ALG12: variants seen among roughly 807,000 people sequenced by gnomAD.
ALG12 encodes dol-P-Man:Man(7)GlcNAc(2)-PP-Dol alpha-1,6-mannosyltransferase.
Under a neutral mutation model 46.0 loss-of-function variants are expected in ALG12, and 36 were observed. That is an observed-to-expected ratio of 0.78 (90% confidence interval 0.60 to 1.03). The LOEUF (loss-of-function observed/expected upper bound fraction) is 1.03, where lower values mean the gene tolerates loss of function less well. ALG12 is among the 50% of genes least tolerant of loss of function. The probability of loss-of-function intolerance (pLI) is 0.00; values close to 1 mark genes in which losing one functional copy is unlikely to be tolerated. For missense variants in ALG12, 599 were observed against 633.5 expected (o/e 0.95, Z 0.58); for synonymous variants, 326 against 291.6 (o/e 1.12, Z -1.20).
chr22:49,905,680 C>T lies in ALG12; in HGVS notation c.993-1174G>A, dbSNP rs1371383648. On this transcript the variant is annotated intron_variant, in intron 7 of 9. Transcript: ENST00000330817. This position sits in a 1 kb window ranked among gnomAD's most constrained non-coding sequence, Gnocchi z 4.9. ...GGCCAGCCTGGAAGCTGAGCAGACA[C>T]CAGTACCACGCTTCCCGTACAGCCT... Among the ~76,000 whole-genome samples, 1 of 152,242 alleles carries T rather than the reference C, an allele frequency of 6.6e-6. No homozygotes were observed. Among genetic ancestry groups the T allele is most frequent in the Non-Finnish European group, 1.5e-5 (1 of 68,046 alleles).
chr22:49,908,062 C>G (rs1169939745), intron 6 of ALG12, 118 bp from the exon 7 acceptor site: 2 of 1,028,296 alleles, frequency 1.9e-6, no homozygotes, highest in Admixed American at 4.2e-5. Flanking sequence ...GCAGCCTGGA[C>G]CACGGCTCGT....
At chr22:49,862,424 G>T in the ALG12 span, among the ~76,000 whole-genome samples, 166 of 152,336 alleles carry the variant, frequency 1.1e-3, 1 homozygote, top group African/African-American at 3.8e-3. Flanking sequence ...TTATAAGTGT[G>T]TTTTTAAACC....
At chr22:49,904,717 T>C in intron 7 of ALG12, 2 of 589,766 alleles carry the variant, frequency 3.4e-6, no homozygotes, top group Non-Finnish European at 6.0e-6. Context: ...AAGATGCCAA[T>C]TTAAAATTTA....
the ALG12 span, among the ~76,000 whole-genome samples, chr22:49,864,800 C>G: frequency 8.2e-5 from 10 of 121,242 alleles, no homozygotes; most frequent in East Asian, 1.8e-3. Context: ...AGCCTGAGCG[C>G]CAGAGTGAGA....
chr22:49,911,984 T>TCACCCTCGGCCCCGGGATCAGCCTCGGCC (rs2060579219), intron 3 of ALG12, among the ~76,000 whole-genome samples: 1 of 115,244 alleles, frequency 8.7e-6, no homozygotes, highest in African/African-American at 5.6e-5. Context: ...CAGCCTCGGC[T>TCACCCTCGGCCCCGGGATCAGCCTCGGCC]GCGGGATCAC....
the ALG12 span, chr22:49,885,095 G>A: frequency 1.9e-5 from 31 of 1,613,570 alleles, no homozygotes; most frequent in Admixed American, 5.0e-5. Flanking sequence ...GCCGAGTGTC[G>A]GTACTGCGGC....
Position 49,903,353 on chromosome 22 carries a change from T to TG in ALG12, c.*484dup, listed in dbSNP as rs752077223. ...AAAAGTTGCAGTGGTGGCACCAGGG[T>TG]GGGGGGGTGCGGCCGGGGCCACCAT... On this transcript the variant is annotated 3_prime_UTR_variant, in exon 10 of 10. Coordinates refer to ENST00000330817, the MANE Select transcript of ALG12 (RefSeq NM_024105.4). The TG allele has an allele frequency of 1.7e-4, 77 of 456,810 alleles. No homozygotes were observed. Among genetic ancestry groups the TG allele is most frequent in the Non-Finnish European group, 3.1e-4 (70 of 227,914 alleles). The allele number at this position is 456,810 out of a possible 1,614,324, so 28.3% of individuals were successfully genotyped here.
Position 49,913,458 on chromosome 22 carries a change from G to A in ALG12, c.222C>T (p.Ile74=), listed in dbSNP as rs371496005. 25 of 1,613,876 alleles carry A rather than the reference G, an allele frequency of 1.5e-5. No individual in the cohort carries two copies. The highest frequency in any genetic ancestry group is 1.9e-5 in the Non-Finnish European group (23 of 1,180,042). Residue 74 remains isoleucine (I), a synonymous_variant, in exon 3 of 10, where the codon ATC becomes ATT. Coordinates refer to ENST00000330817, the MANE Select transcript of ALG12 (RefSeq NM_024105.4). ...AAACCGCGGGGCTGGAGAACACTGC[G>A]ATCACCACTGGCCCGAGGAACGTCC... The part of the protein sequence containing the change: ...VPRTFLGPVV[I]AVFSSPAVYV...
chr22:49,917,607 G>T (rs2060620048), intron 1 of ALG12, among the ~76,000 whole-genome samples: 1 of 152,158 alleles, frequency 6.6e-6, no homozygotes, highest in South Asian at 2.1e-4. Context: ...GGCGGAGCTT[G>T]CAGTGAGCTG....
At chr22:49,880,757 A>T in the ALG12 span, among the ~76,000 whole-genome samples, 1 of 152,182 alleles carries the variant, frequency 6.6e-6, no homozygotes, top group African/African-American at 2.4e-5. Context: ...TCTGTTTATC[A>T]GCTACTGCAA....
chr22:49,892,677 G>C, the ALG12 span, among the ~76,000 whole-genome samples: 1 of 152,214 alleles, frequency 6.6e-6, no homozygotes, highest in African/African-American at 2.4e-5. Context: ...AAACTGGAGA[G>C]GGACCAACCC....
At chr22:49,895,607 G>A (rs186986090), downstream of ALG12, among the ~76,000 whole-genome samples, 6 of 151,014 alleles carry the variant, frequency 4.0e-5, no homozygotes, top group African/African-American at 7.3e-5. Flanking sequence ...AGCTGAGGTC[G>A]CACCATTGCA....
chr22:49,861,943 A>G, the ALG12 span, among the ~76,000 whole-genome samples: 2 of 152,242 alleles, frequency 1.3e-5, no homozygotes, highest in Admixed American at 1.3e-4. Flanking sequence ...AGTGCTTCCA[A>G]GTTCCCCCGC....
At position 49,904,015 on chromosome 22, in the gene ALG12, T is replaced by C; in HGVS notation, c.1290A>G (p.Thr430=). 6.2e-7 allele frequency: 1 copy of C among 1,614,126 alleles called. No individual in the cohort carries two copies. Among genetic ancestry groups the C allele is most frequent in the South Asian group, 1.1e-5 (1 of 91,088 alleles). The change falls in exon 10 of 10, where the codon ACA becomes ACG. Residue 430 remains threonine, a synonymous_variant. Coordinates refer to ENST00000330817, the MANE Select transcript of ALG12 (RefSeq NM_024105.4). The part of the protein sequence containing the change: ...VQPGTGMLAY[T]HILMEAAPGL... ...CAGGGGCCGCCTCCATGAGGATGTG[T>C]GTGTATGCCAGCATGCCTGTCCCCG...
the ALG12 span, among the ~76,000 whole-genome samples, chr22:49,866,794 C>T: frequency 2.6e-5 from 4 of 152,104 alleles, no homozygotes; most frequent in Admixed American, 2.6e-4. Flanking sequence ...TACCACAAAC[C>T]GAGTGGCTTC....
At chr22:49,916,571 C>G (rs2060610334) in intron 1 of ALG12, among the ~76,000 whole-genome samples, 1 of 152,138 alleles carries the variant, frequency 6.6e-6, no homozygotes, top group African/African-American at 2.4e-5. Context: ...CAGAGCCAGA[C>G]TCCGTCTCAA....
rs1298814103 is a variant in ALG12 at position 49,901,860 on chromosome 22, TGTG to T, written c.*1975_*1977del. ...ATGGTGTGTGCACGTGTGCACTGTG[TGTG>T]GTGTGTATTCATGGTGTGTGCACGT... On this transcript the variant is annotated 3_prime_UTR_variant, in exon 10 of 10. Transcript: ENST00000330817. The T allele has an allele frequency of 7.3e-6, 1 of 137,016 alleles. No homozygotes were observed. The highest frequency in any genetic ancestry group is 1.5e-5 in the Non-Finnish European group (1 of 64,858). The allele number at this position is 137,016 out of a possible 1,614,324, so 8.5% of individuals were successfully genotyped here.
chr22:49,887,929 A>G, the ALG12 span: 2 of 167,276 alleles, frequency 1.2e-5, no homozygotes, highest in African/African-American at 4.8e-5. Context: ...AGTGCGTTCA[A>G]TGACACGCTG....
intron 3 of ALG12, among the ~76,000 whole-genome samples, chr22:49,910,995 A>G (rs1275251271): frequency 3.9e-5 from 6 of 152,176 alleles, no homozygotes; most frequent in Non-Finnish European, 7.4e-5. Context: ...AGCCATGAGG[A>G]GGTGGGATGT....
Sources: gnomAD v4.1 joint callset for allele counts (sites outside exome capture counted in the v4.1 genomes callset) on GRCh38, gnomAD v4.1.1 for gene constraint, Gnocchi (gnomAD v3.1) non-coding constraint, MANE v1.5 for transcripts, NCBI Gene and HGNC (gene_info 2026-07-23, HGNC 2026-07-21) for gene names.